SPATA17: variants seen among roughly 807,000 people sequenced by gnomAD.
SPATA17 encodes spermatogenesis associated 17.
SPATA17 carries 53 observed loss-of-function variants against 62.2 expected under a neutral mutation model. The observed-to-expected ratio is 0.85, with a 90% CI of 0.68 to 1.07. The LOEUF (loss-of-function observed/expected upper bound fraction) is 1.07, where lower values mean the gene tolerates loss of function less well. Ranked by LOEUF, SPATA17 falls within the 50% of genes least tolerant of loss-of-function variation. The probability of loss-of-function intolerance (pLI) is 0.00; values close to 1 mark genes in which losing one functional copy is unlikely to be tolerated. For synonymous variants in SPATA17, 146 were observed against 146.8 expected, an observed-to-expected ratio of 0.99 and a Z score of 0.04; for missense variants, 466 against 425.5, an observed-to-expected ratio of 1.10 and a Z score of -0.84.
intron 1 of SPATA17, among the ~76,000 whole-genome samples, chr1:217,645,422 G>C (rs1670157038): frequency 1.3e-5 from 2 of 152,178 alleles, no homozygotes; most frequent in Middle Eastern, 3.4e-3. Context: ...CATTAGATGT[G>C]TCTATGTGCC....
chr1:217,842,071 T>C (rs1675418776), intron 9 of SPATA17, among the ~76,000 whole-genome samples: 1 of 152,000 alleles, frequency 6.6e-6, no homozygotes, highest in African/African-American at 2.4e-5. Context: ...TTCTTCTGCA[T>C]CTATGAGATG....
intron 5 of SPATA17, among the ~76,000 whole-genome samples, chr1:217,723,161 A>G (rs1672179732): frequency 6.6e-6 from 1 of 152,174 alleles, no homozygotes; most frequent in Non-Finnish European, 1.5e-5. Context: ...TACCGTTTAT[A>G]GTGTTTAATA....
chr1:217,707,942 C>T (rs1232259897), intron 5 of SPATA17, among the ~76,000 whole-genome samples: 2 of 152,164 alleles, frequency 1.3e-5, no homozygotes, highest in Non-Finnish European at 2.9e-5. Context: ...AAACAACTTG[C>T]TCTTGAGTGA....
At chr1:217,789,969 G>A (rs11591119) in intron 8 of SPATA17, among the ~76,000 whole-genome samples, 64,477 of 151,972 alleles carry the variant, frequency 0.42, 15,356 homozygotes, top group Non-Finnish European at 0.55. Context: ...TCTGAGAGGC[G>A]GAGGTGGCAG....
At chr1:217,674,012 A>G (rs575764096) in intron 4 of SPATA17, among the ~76,000 whole-genome samples, 3 of 152,126 alleles carry the variant, frequency 2.0e-5, no homozygotes, top group Non-Finnish European at 4.4e-5. Context: ...TATATCTTAT[A>G]CCCAATTCTT....
chr1:217,862,620 T>A (rs1348974085), intron 9 of SPATA17, among the ~76,000 whole-genome samples, 154 bp from the exon 10 acceptor site: 1 of 152,148 alleles, frequency 6.6e-6, no homozygotes, highest in Non-Finnish European at 1.5e-5. Flanking sequence ...ACTTCAAAAA[T>A]TTACCTGCTA....
chr1:217,694,792 C>A (rs1293880199), intron 5 of SPATA17, among the ~76,000 whole-genome samples: 2 of 145,292 alleles, frequency 1.4e-5, no homozygotes, highest in Non-Finnish European at 3.0e-5. Context: ...GTTGAAAATT[C>A]TTTTCTTTAA....
chr1:217,769,596 T>A (rs1226447913), intron 6 of SPATA17, among the ~76,000 whole-genome samples: 1 of 152,218 alleles, frequency 6.6e-6, no homozygotes, highest in Admixed American at 6.5e-5. Context: ...GGATCCGCAT[T>A]TAATGTGACC....
intron 1 of SPATA17, among the ~76,000 whole-genome samples, chr1:217,647,943 G>A (rs947822232): frequency 1.3e-5 from 2 of 151,876 alleles, no homozygotes; most frequent in African/African-American, 4.8e-5. Flanking sequence ...GGCTAGTCTC[G>A]AAATCCTGAC....
intron 10 of SPATA17, among the ~76,000 whole-genome samples, chr1:217,863,232 C>T (rs546483813): frequency 6.7e-6 from 1 of 149,400 alleles, no homozygotes; most frequent in East Asian, 2.0e-4. Flanking sequence ...AAGTGATTCT[C>T]CTGCCTCAGC....
At chr1:217,835,714 A>G (rs1238941275) in intron 9 of SPATA17, among the ~76,000 whole-genome samples, 1 of 151,910 alleles carries the variant, frequency 6.6e-6, no homozygotes, top group Non-Finnish European at 1.5e-5. Context: ...CCAGGCTAGG[A>G]GCAGGAGAGG....
At chr1:217,634,858 A>T (rs1669901729) in intron 1 of SPATA17, among the ~76,000 whole-genome samples, 1 of 152,100 alleles carries the variant, frequency 6.6e-6, no homozygotes, top group Non-Finnish European at 1.5e-5. Context: ...ACAGTTTTCC[A>T]GTGGCAGTTC....
intron 5 of SPATA17, among the ~76,000 whole-genome samples, chr1:217,686,855 A>C (rs2102908932): frequency 6.6e-6 from 1 of 152,224 alleles, no homozygotes; most frequent in South Asian, 2.1e-4. Context: ...AGTAGCTGGA[A>C]TTACAGGTGC....
chr1:217,707,141 A>G (rs1269293603), intron 5 of SPATA17, among the ~76,000 whole-genome samples: 4 of 152,196 alleles, frequency 2.6e-5, no homozygotes, highest in African/African-American at 9.7e-5. Flanking sequence ...CTGGGATTAC[A>G]GATGTGAGCC....
intron 5 of SPATA17, among the ~76,000 whole-genome samples, chr1:217,714,997 TATG>T (rs1202683299): frequency 6.6e-6 from 1 of 152,176 alleles, no homozygotes; most frequent in Non-Finnish European, 1.5e-5. Context: ...TGTATTTATT[TATG>T]ATGAAACTAA....
chr1:217,661,783 T>G (rs1283131579), intron 3 of SPATA17, among the ~76,000 whole-genome samples: 1 of 152,114 alleles, frequency 6.6e-6, no homozygotes, highest in African/African-American at 2.4e-5. Flanking sequence ...AAACTTATTG[T>G]CACCTGGTGC....
intron 4 of SPATA17, among the ~76,000 whole-genome samples, chr1:217,670,585 T>C (rs1053707117): frequency 2.6e-5 from 4 of 152,206 alleles, no homozygotes; most frequent in Non-Finnish European, 5.9e-5. Flanking sequence ...AATTTATCTT[T>C]GATTAATGTC....
At chr1:217,812,889 C>T (rs1262100874) in intron 9 of SPATA17, among the ~76,000 whole-genome samples, 1 of 152,076 alleles carries the variant, frequency 6.6e-6, no homozygotes, top group Non-Finnish European at 1.5e-5. Flanking sequence ...TTGATGTTTT[C>T]CCTTGTTTGA....
intron 5 of SPATA17, among the ~76,000 whole-genome samples, chr1:217,721,941 C>T (rs1322524773): frequency 6.6e-6 from 1 of 152,142 alleles, no homozygotes. Flanking sequence ...GTTGACAGGT[C>T]CAGGGCACAG....
Sources: allele counts gnomAD v4.1 joint callset (sites outside exome capture counted in the v4.1 genomes callset), GRCh38; gene constraint gnomAD v4.1.1; transcripts MANE v1.5; gene names NCBI Gene and HGNC (gene_info 2026-07-23, HGNC 2026-07-21).